The following BIRC2 variants were observed in gnomAD, a reference collection of about 807,000 sequenced individuals.
BIRC2 encodes baculoviral IAP repeat containing 2, also known as baculoviral IAP repeat-containing protein 2.
A neutral mutation model predicts 60.9 loss-of-function variants in BIRC2; 18 were observed. That is an observed-to-expected ratio of 0.30 (90% CI 0.20 to 0.44). The LOEUF is 0.44. BIRC2 is among the 20% of genes least tolerant of loss of function. BIRC2 has a pLI of 1.00. For synonymous variants in BIRC2, 282 were observed against 247.7 expected, an observed-to-expected ratio of 1.14 and a Z score of -1.30; for missense variants, 701 against 728.5, an observed-to-expected ratio of 0.96 and a Z score of 0.43.
Position 102,351,483 on chromosome 11 carries a change from C to T in BIRC2, c.995+540C>T, listed in dbSNP as rs368192308. On this transcript the variant is annotated intron_variant, in intron 3 of 8. Transcript: ENST00000227758. ...TACAAAAACTAGCTGGGCGTGGTGG[C>T]GCGTGGCCGTAGTCCCAGCTTCTCG... 5.2e-4 allele frequency among the ~76,000 whole-genome samples: 79 copies of T among 152,020 alleles called. 1 individual carries two copies. In the East Asian group the frequency reaches 0.012, roughly 23 times the overall value.
intron 3 of BIRC2, among the ~76,000 whole-genome samples, chr11:102,353,992 CT>C (rs1769466559): frequency 6.6e-6 from 1 of 152,138 alleles, no homozygotes. Context: ...GAAGTTGACT[CT>C]GCAGAACCTG....
At chr11:102,356,233 T>C (rs1226418297) in intron 3 of BIRC2, among the ~76,000 whole-genome samples, 2 of 150,914 alleles carry the variant, frequency 1.3e-5, no homozygotes, top group African/African-American at 2.4e-5. Context: ...TTTTGCTCTG[T>C]TGCCCAGGCT....
chr11:102,368,574 A>C (rs1951580381), intron 6 of BIRC2, 26 bp downstream of exon 6: 1 of 1,607,566 alleles, frequency 6.2e-7, no homozygotes, highest in Admixed American at 1.7e-5. Flanking sequence ...AGTCACCTGC[A>C]TTGTTTCTCA....
At chr11:102,358,414 T>A (rs950256625) in intron 3 of BIRC2, among the ~76,000 whole-genome samples, 13 of 152,296 alleles carry the variant, frequency 8.5e-5, no homozygotes, top group African/African-American at 2.9e-4. Context: ...CTAAAAAATG[T>A]AAAATTCAAA....
chr11:102,361,682 C>T (rs933871251), intron 3 of BIRC2, among the ~76,000 whole-genome samples: 1 of 152,110 alleles, frequency 6.6e-6, no homozygotes, highest in African/African-American at 2.4e-5. Flanking sequence ...CTCCAGGGAC[C>T]TGCTCTGGGG....
chr11:102,375,745 A>C (rs1448786505), intron 6 of BIRC2, among the ~76,000 whole-genome samples: 6 of 148,594 alleles, frequency 4.0e-5, no homozygotes, highest in Non-Finnish European at 8.9e-5. Context: ...GTGCCCCTGC[A>C]CTCCAGCCTG....
intron 6 of BIRC2, among the ~76,000 whole-genome samples, chr11:102,369,090 TAA>T (rs1322466236): frequency 6.6e-6 from 1 of 152,136 alleles, no homozygotes; most frequent in Non-Finnish European, 1.5e-5. Context: ...CAGATAGTAT[TAA>T]GTCTCGGCCT....
chr11:102,368,697 C>G, intron 6 of BIRC2, 149 bp downstream of exon 6: 1 of 1,109,402 alleles, frequency 9.0e-7, no homozygotes, highest in Non-Finnish European at 1.3e-6. Context: ...CTTTTCTACC[C>G]CTTTCAATTG....
intron 3 of BIRC2, among the ~76,000 whole-genome samples, chr11:102,351,460 C>T (rs1250201998): frequency 1.3e-5 from 2 of 151,822 alleles, no homozygotes; most frequent in Non-Finnish European, 2.9e-5. Flanking sequence ...ACTAAAAATA[C>T]AAAAACTAGC....
At chr11:102,374,741 C>T (rs898553509) in intron 6 of BIRC2, among the ~76,000 whole-genome samples, 21 of 152,356 alleles carry the variant, frequency 1.4e-4, no homozygotes, top group African/African-American at 4.8e-4. Flanking sequence ...CAAGCCTGGG[C>T]AATGGCGGGC....
chr11:102,377,372 C>A, intron 6 of BIRC2, 124 bp from the exon 7 acceptor site: 1 of 834,386 alleles, frequency 1.2e-6, no homozygotes, highest in Non-Finnish European at 1.8e-6. Flanking sequence ...AAACAAGTTA[C>A]TTTGTTCTTT....
At chr11:102,352,393 C>T (rs1045944905) in intron 3 of BIRC2, among the ~76,000 whole-genome samples, 5 of 151,864 alleles carry the variant, frequency 3.3e-5, no homozygotes, top group South Asian at 2.1e-4. Flanking sequence ...GGATTACAGG[C>T]GTGAGCCACC....
chr11:102,351,614 C>CAAAAAAAAAAA (rs768269523), intron 3 of BIRC2, among the ~76,000 whole-genome samples: 5 of 68,594 alleles, frequency 7.3e-5, no homozygotes, highest in East Asian at 3.9e-4. Context: ...GACTCTGTCT[C>CAAAAAAAAAAA]AAAAAAAAAA....
chr11:102,354,441 T>C (rs566488848), intron 3 of BIRC2, among the ~76,000 whole-genome samples: 1 of 152,192 alleles, frequency 6.6e-6, no homozygotes, highest in Non-Finnish European at 1.5e-5. Flanking sequence ...ACTCCTGATC[T>C]CAAGTGATCC....
At chr11:102,377,347 CA>C (rs1433430996) in intron 6 of BIRC2, 148 bp from the exon 7 acceptor site, 2 of 683,132 alleles carry the variant, frequency 2.9e-6, no homozygotes, top group African/African-American at 3.8e-5. Context: ...TTCCAAACAA[CA>C]AACTTACAAA....
chr11:102,377,753 G>A lies in BIRC2; in HGVS notation c.1621+3G>A, dbSNP rs776372179. The A allele has an allele frequency of 1.9e-6, 3 of 1,594,086 alleles. No individual in the cohort carries two copies. The highest frequency in any genetic ancestry group is 8.5e-7 in the Non-Finnish European group (1 of 1,175,804). ...TACATTGTATAAGAACTTATTTGGT[G>A]AGTTTGTTGGGAAAATTATTTTAGA... On this transcript the variant is annotated splice_donor_region_variant and intron_variant, in intron 7 of 8. Transcript: ENST00000227758.
Position 102,348,709 on chromosome 11 carries a change from T to C in BIRC2, c.-1146T>C, listed in dbSNP as rs1382836552. 5.0e-6 allele frequency: 2 copies of C among 398,164 alleles called. No individual in the cohort carries two copies. The highest frequency in any genetic ancestry group is 8.9e-5 in the East Asian group (1 of 11,202). 24.7% of individuals were successfully genotyped at this position (398,164 alleles called of 1,614,324 possible). ...GGGATATAGTTTGAATTCTATGGAG[T>C]GTAATTTTGTGTATGAATTATATTT... On this transcript the variant is annotated 5_prime_UTR_variant, in exon 2 of 9. Transcript: ENST00000227758.
chr11:102,368,651 G>T, intron 6 of BIRC2, 103 bp downstream of exon 6: 1 of 1,445,384 alleles, frequency 6.9e-7, no homozygotes, highest in Non-Finnish European at 9.4e-7. Flanking sequence ...ACTAACTGCT[G>T]GTAGCAGTCC....
At chr11:102,356,606 TG>T (rs1237469898) in intron 3 of BIRC2, among the ~76,000 whole-genome samples, 9 of 152,148 alleles carry the variant, frequency 5.9e-5, no homozygotes, top group African/African-American at 2.2e-4. Flanking sequence ...ATTTTTATCC[TG>T]AAAGGGTGTT....
Sources: gnomAD v4.1 joint callset for allele counts (sites outside exome capture counted in the v4.1 genomes callset) on GRCh38, gnomAD v4.1.1 for gene constraint, MANE v1.5 for transcripts, NCBI Gene and HGNC (gene_info 2026-07-23, HGNC 2026-07-21) for gene names.